The following MDN1 variants were observed in gnomAD, a reference collection of about 807,000 sequenced individuals.
MDN1 encodes midasin AAA ATPase 1, also known as midasin.
Under a neutral mutation model 669.2 loss-of-function variants are expected in MDN1, and 266 were observed. That is an observed-to-expected ratio of 0.40 (90% confidence interval 0.36 to 0.44). The LOEUF (loss-of-function observed/expected upper bound fraction) is 0.44. Among genes scored for constraint, MDN1 ranks in the 20% least tolerant of loss-of-function variants. The pLI, the probability that MDN1 is intolerant of heterozygous loss-of-function variation, is 1.00. For missense variants in MDN1, 5,940 were observed against 6,754.0 expected (o/e 0.88, Z 4.22); for synonymous variants, 2,385 against 2,457.1 (o/e 0.97, Z 0.87).
chr6:89,803,550 C>A lies in MDN1; in HGVS notation c.107G>T (p.Trp36Leu). 1 of 1,605,832 alleles carries A rather than the reference C, an allele frequency of 6.2e-7. No individual in the cohort carries two copies. Among genetic ancestry groups the A allele is most frequent in the African/African-American group, 1.3e-5 (1 of 74,798 alleles). ...GACACACTGGCGATCTTGAGGTGTC[C>A]ACACCTGAGAAAGGCAAAACAAAAC... is the stretch of plus-strand genomic sequence containing the variant. Reference protein sequence around the residue: ...ELGRFLAKQVWTPQDRQCVLS... With the variant: ...ELGRFLAKQVLTPQDRQCVLS... The change falls in exon 2 of 102, where the codon TGG becomes TTG. Residue 36 changes from tryptophan (W) to leucine (L), a missense_variant. Trp to Leu is a moderately conservative substitution (Grantham distance 61, BLOSUM62 -2). Coordinates refer to ENST00000369393, the MANE Select transcript of MDN1 (RefSeq NM_014611.3).
At position 89,725,283 on chromosome 6, in the gene MDN1, C is replaced by T. The variant is rs376719538; in HGVS notation, c.5586G>A (p.Thr1862=). ...GMSFQVQHEK[T]KIFGCQNPFR... Reference sequence around the variant, plus strand: ...AGGGATTCTGACACCCAAAAATCTTCGTCTTTTCATGCTGCACTTGAAAGC... The same window carrying T: ...AGGGATTCTGACACCCAAAAATCTTTGTCTTTTCATGCTGCACTTGAAAGC... The change falls in exon 38 of 102, where the codon ACG becomes ACA. Residue 1862 remains threonine (T), a synonymous_variant. Coordinates refer to ENST00000369393, the MANE Select transcript of MDN1 (RefSeq NM_014611.3). The T allele has an allele frequency of 1.2e-5, 20 of 1,613,906 alleles. No homozygotes were observed. Among genetic ancestry groups the T allele is most frequent in the South Asian group, 2.2e-5 (2 of 91,076 alleles).
intron 84 of MDN1, among the ~76,000 whole-genome samples, chr6:89,667,114 C>T (rs968835549): frequency 2.0e-5 from 3 of 152,072 alleles, no homozygotes; most frequent in African/African-American, 7.2e-5. Context: ...CCAAATTGTT[C>T]TGGAAGCTTT....
chr6:89,750,380 G>A lies in MDN1; in HGVS notation c.3380C>T (p.Ser1127Phe), dbSNP rs1336232494. The change falls in exon 24 of 102, where the codon TCC becomes TTC. Residue 1127 changes from serine (S) to phenylalanine (F), a missense_variant. Coordinates refer to ENST00000369393, the MANE Select transcript of MDN1 (RefSeq NM_014611.3). ...QEYIGCYTSD[S>F]SGKLVFKEGV... Reference sequence around the variant, plus strand: ...TTCCTTAAAGACAAGCTTCCCTGAGGAGTCAGACGTGTAACAACCAATGTA... The same window carrying A: ...TTCCTTAAAGACAAGCTTCCCTGAGAAGTCAGACGTGTAACAACCAATGTA... The A allele has an allele frequency of 1.2e-6, 2 of 1,611,394 alleles. No homozygotes were observed. The highest frequency in any genetic ancestry group is 1.7e-6 in the Non-Finnish European group (2 of 1,177,720).
intron 5 of MDN1, among the ~76,000 whole-genome samples, chr6:89,792,508 G>A (rs975425298): frequency 6.6e-6 from 1 of 151,960 alleles, no homozygotes; most frequent in Non-Finnish European, 1.5e-5. Context: ...CAGGATACGT[G>A]GGGGGTAAAG....
At chr6:89,739,890 A>C (rs915419262) in intron 32 of MDN1, among the ~76,000 whole-genome samples, 1 of 152,224 alleles carries the variant, frequency 6.6e-6, no homozygotes, top group Admixed American at 6.5e-5. Flanking sequence ...GGTTAAACTT[A>C]AATTTCAGAT....
In MDN1 at chr6:89,750,454, G is replaced by T; in HGVS notation, c.3306C>A (p.Gly1102=). 1 of 1,613,978 alleles carries T rather than the reference G, an allele frequency of 6.2e-7. No homozygotes were observed. The highest frequency in any genetic ancestry group is 8.5e-7 in the Non-Finnish European group (1 of 1,179,880). Residue 1102 remains glycine (G), a synonymous_variant, in exon 24 of 102, where the codon GGC becomes GGA. Coordinates refer to ENST00000369393, the MANE Select transcript of MDN1 (RefSeq NM_014611.3). Reference sequence around the variant, plus strand: ...GATTATTAATACGCACACAGTGGTTGCCAGTAGCTGCAGCCAGCCACTGGA... The same window carrying T: ...GATTATTAATACGCACACAGTGGTTTCCAGTAGCTGCAGCCAGCCACTGGA... ...SLIQWLAAAT[G]NHCVRINNHE...
intron 81 of MDN1, 43 bp downstream of exon 81, chr6:89,672,504 T>G (rs1382236184): frequency 6.3e-7 from 1 of 1,598,000 alleles, no homozygotes; most frequent in Non-Finnish European, 8.5e-7. Flanking sequence ...ATACAAAAAT[T>G]AAATCAGGCA....
rs573802295 is a variant in MDN1 at position 89,643,970 on chromosome 6, A to G, written c.*35T>C. 11 of 1,522,546 alleles carry G rather than the reference A, an allele frequency of 7.2e-6. No homozygotes were observed. In the South Asian group the frequency reaches 1.2e-4, roughly 16 times the overall value. 94.3% of individuals were successfully genotyped at this position (1,522,546 alleles called of 1,614,324 possible). On this transcript the variant is annotated 3_prime_UTR_variant, in exon 102 of 102. Transcript: ENST00000369393. Reference sequence around the variant, plus strand: ...GGGTAAGCAATGTGACCTTCTGACCACAGTTAAGTCTCACTTTGGACTCTT... The same window carrying G: ...GGGTAAGCAATGTGACCTTCTGACCGCAGTTAAGTCTCACTTTGGACTCTT...
At chr6:89,652,958 C>T in intron 94 of MDN1, 34 bp downstream of exon 94, 1 of 1,588,628 alleles carries the variant, frequency 6.3e-7, no homozygotes, top group Non-Finnish European at 8.6e-7. Context: ...TTTATTAACA[C>T]TATATTAATG....
chr6:89,751,551 A>T lies in MDN1; in HGVS notation c.3107T>A (p.Ile1036Asn). Residue 1036 changes from isoleucine to asparagine, a missense_variant, in exon 23 of 102, where the codon ATC becomes AAC. This residue lies in a region of MDN1 where 1,203 missense variants were observed against 1,268.9 expected (regional missense o/e 0.95). Coordinates refer to ENST00000369393, the MANE Select transcript of MDN1 (RefSeq NM_014611.3). Reference sequence around the variant, plus strand: ...CGCAATCCAGTAGCCTTCAACCTGGATAAGCCGACCTCCTTTTGGCTCTGG... The same window carrying T: ...CGCAATCCAGTAGCCTTCAACCTGGTTAAGCCGACCTCCTTTTGGCTCTGG... ...PIPEPKGGRLIQVEGYWIAVG... is the reference protein window; with the variant it reads ...PIPEPKGGRLNQVEGYWIAVG... The T allele has an allele frequency of 6.2e-7, 1 of 1,614,164 alleles. No individual in the cohort carries two copies. Among genetic ancestry groups the T allele is most frequent in the Non-Finnish European group, 8.5e-7 (1 of 1,180,022 alleles).
chr6:89,744,895 A>T (rs1816511989), intron 29 of MDN1, among the ~76,000 whole-genome samples: 1 of 152,024 alleles, frequency 6.6e-6, no homozygotes, highest in Admixed American at 6.6e-5. Flanking sequence ...AAATAATAAT[A>T]ATAAAGCCAT....
At chr6:89,772,493 G>T in intron 14 of MDN1, 80 bp downstream of exon 14, 1 of 1,512,916 alleles carries the variant, frequency 6.6e-7, no homozygotes, top group Non-Finnish European at 9.0e-7. Flanking sequence ...TGTGGTCTTT[G>T]GATTTAGTAT....
intron 33 of MDN1, among the ~76,000 whole-genome samples, chr6:89,734,828 T>C (rs182168182): frequency 3.9e-5 from 6 of 152,026 alleles, no homozygotes; most frequent in South Asian, 4.2e-4. Flanking sequence ...AGGAGAACTA[T>C]ACAGTTTCTT....
chr6:89,720,179 A>T (rs939116713), intron 40 of MDN1, among the ~76,000 whole-genome samples: 1 of 152,182 alleles, frequency 6.6e-6, no homozygotes, highest in African/African-American at 2.4e-5. Flanking sequence ...GCAGCATAGG[A>T]AAGTGTTCCT....
At chr6:89,814,505 T>G (rs1768674524) in intron 1 of MDN1, among the ~76,000 whole-genome samples, 1 of 151,652 alleles carries the variant, frequency 6.6e-6, no homozygotes, top group Non-Finnish European at 1.5e-5. Flanking sequence ...ATGACAGGCA[T>G]GAACCACCAC....
intron 1 of MDN1, among the ~76,000 whole-genome samples, chr6:89,813,483 G>A (rs1033222425): frequency 2.0e-5 from 3 of 151,416 alleles, no homozygotes; most frequent in Non-Finnish European, 4.4e-5. Flanking sequence ...CCCAGGAGGC[G>A]GAGGTTGAAG....
chr6:89,724,572 C>A (rs553391557), intron 38 of MDN1, among the ~76,000 whole-genome samples: 54 of 152,342 alleles, frequency 3.5e-4, no homozygotes, highest in African/African-American at 1.3e-3. Flanking sequence ...CATGATCCAC[C>A]ATGCCCAGCC....
In MDN1 at chr6:89,689,555, GA is replaced by G. The variant is rs910785422; in HGVS notation, c.11023+314del. ...ATTTGACAGCAGAAATAATGCTAAG[GA>G]AAAAAAAACACATACACGTACACAT... On this transcript the variant is annotated intron_variant, in intron 65 of 101. Coordinates refer to ENST00000369393, the MANE Select transcript of MDN1 (RefSeq NM_014611.3). Among the ~76,000 whole-genome samples the G allele has an allele frequency of 3.7e-4, 56 of 149,530 alleles. 1 individual carries two copies. The East Asian group carries it at 0.01, about 27-fold the overall frequency.
In MDN1 at chr6:89,775,686, T is replaced by G. The variant is rs78701406; in HGVS notation, c.1821+914A>C. ...TCTTTGCAACTTTTTTTTTTGTTTG[T>G]TTGGTTGGTTTTTATCAGAGAAAGA... On this transcript the variant is annotated intron_variant, in intron 12 of 101. Coordinates refer to ENST00000369393, the MANE Select transcript of MDN1 (RefSeq NM_014611.3). Among the ~76,000 whole-genome samples, 31 of 152,146 alleles carry G rather than the reference T, an allele frequency of 2.0e-4. No individual in the cohort carries two copies. The East Asian group carries it at 4.8e-3, about 24-fold the overall frequency.
Sources: allele counts gnomAD v4.1 joint callset (sites outside exome capture counted in the v4.1 genomes callset), GRCh38; gene constraint gnomAD v4.1.1; regional missense constraint gnomAD v4.1.1; transcripts MANE v1.5; gene names NCBI Gene and HGNC (gene_info 2026-07-23, HGNC 2026-07-21).